The following CBLN2 variants were observed in gnomAD, a reference collection of about 807,000 sequenced individuals.
CBLN2 encodes cerebellin 2 precursor.
Under a neutral mutation model 15.0 loss-of-function variants are expected in CBLN2, and 7 were observed. The observed-to-expected ratio is 0.47, with a 90% CI of 0.27 to 0.88. The LOEUF (loss-of-function observed/expected upper bound fraction) is 0.88, where lower values mean the gene tolerates loss of function less well. Among genes scored for constraint, CBLN2 ranks in the 40% least tolerant of loss-of-function variants. CBLN2 has a pLI of 0.14. For missense variants in CBLN2, 242 were observed against 304.5 expected, an observed-to-expected ratio of 0.79 and a Z score of 1.53; for synonymous variants, 149 against 135.2, an observed-to-expected ratio of 1.10 and a Z score of -0.71.
intron 1 of CBLN2, chr18:72,625,021 A>T (rs2069725889): frequency 1.3e-5 from 2 of 152,210 alleles, no homozygotes; most frequent in East Asian, 1.9e-4. Context: ...CAACTTTAGA[A>T]TTATTACAAG....
chr18:72,554,560 A>G (rs1259139096), intron 1 of CBLN2, among the ~76,000 whole-genome samples: 2 of 151,646 alleles, frequency 1.3e-5, no homozygotes, highest in Non-Finnish European at 2.9e-5. Flanking sequence ...ACACCATATT[A>G]TATCCTATAT....
rs1022615906 is a variant in CBLN2, at chr18:72,543,041, C to G, written c.-167+445G>C. The stretch of plus-strand genomic sequence containing the variant: ...TGGGTGAAACCCCTGGGATTCCTCT[C>G]TTAGGCGAAGGACCGATTCCAACGA... On this transcript the variant is annotated intron_variant, in intron 2 of 4. Coordinates refer to ENST00000269503, the MANE Select transcript of CBLN2 (RefSeq NM_182511.4). The surrounding 1 kb of genome is among the most constrained non-coding windows in gnomAD (Gnocchi z 6.8). The G allele has an allele frequency of 6.4e-6, 1 of 157,088 alleles. No individual in the cohort carries two copies. Among genetic ancestry groups the G allele is most frequent in the African/African-American group, 2.4e-5 (1 of 41,678 alleles). The allele number at this position is 157,088 out of a possible 1,614,324, so 9.7% of individuals were successfully genotyped here.
At chr18:72,592,055 C>A (rs1293873843) in intron 1 of CBLN2, among the ~76,000 whole-genome samples, 4 of 152,040 alleles carry the variant, frequency 2.6e-5, no homozygotes, top group African/African-American at 9.7e-5. Context: ...TGAAGAGGCT[C>A]TTTACTGTTC....
chr18:72,598,538 C>T (rs2069527486), intron 1 of CBLN2, among the ~76,000 whole-genome samples: 1 of 152,182 alleles, frequency 6.6e-6, no homozygotes, highest in Admixed American at 6.5e-5. Flanking sequence ...GCAAGCACTC[C>T]CTTTTCTTGG....
At chr18:72,555,458 G>A (rs916787539) in intron 1 of CBLN2, among the ~76,000 whole-genome samples, 1 of 152,046 alleles carries the variant, frequency 6.6e-6, no homozygotes, top group Non-Finnish European at 1.5e-5. Context: ...GTGTGTGTGT[G>A]TGTGTGTCAG....
chr18:72,607,497 T>G (rs561726380), intron 1 of CBLN2, among the ~76,000 whole-genome samples: 2 of 152,348 alleles, frequency 1.3e-5, no homozygotes, highest in African/African-American at 4.8e-5. Context: ...TTCAAGCTGT[T>G]AAACACAAAG....
chr18:72,570,417 T>G (rs961681230), intron 1 of CBLN2, among the ~76,000 whole-genome samples: 2 of 151,462 alleles, frequency 1.3e-5, no homozygotes, highest in African/African-American at 4.9e-5. Flanking sequence ...TTTGTATTTT[T>G]TTTTTTTTTT....
At chr18:72,572,542 A>G (rs1430899680) in intron 1 of CBLN2, among the ~76,000 whole-genome samples, 1 of 152,184 alleles carries the variant, frequency 6.6e-6, no homozygotes, top group Non-Finnish European at 1.5e-5. Context: ...AAATTTGTCC[A>G]TGGCAGTAAT....
At chr18:72,625,787 ACTCTCT>A (rs374437409) in intron 1 of CBLN2, among the ~76,000 whole-genome samples, 1,802 of 79,318 alleles carry the variant, frequency 0.023, 56 homozygotes, top group African/African-American at 0.067. Flanking sequence ...TATATATATG[ACTCTCT>A]CTCTCTCTCT....
intron 3 of CBLN2, among the ~76,000 whole-genome samples, chr18:72,540,556 A>AC (rs1211717010): frequency 2.0e-5 from 3 of 152,376 alleles, no homozygotes; most frequent in Middle Eastern, 3.4e-3. Flanking sequence ...AGGAAACCTT[A>AC]CTAATAGAGT....
chr18:72,598,213 T>C (rs920468936), intron 1 of CBLN2, among the ~76,000 whole-genome samples: 4 of 152,150 alleles, frequency 2.6e-5, no homozygotes, highest in African/African-American at 9.7e-5. Context: ...TACTCCCTGG[T>C]TCTCACTGAT....
chr18:72,546,291 G>C (rs1267510061), upstream of CBLN2, among the ~76,000 whole-genome samples: 1 of 152,046 alleles, frequency 6.6e-6, no homozygotes, highest in Non-Finnish European at 1.5e-5. Flanking sequence ...CAAAAAATTA[G>C]CCGGGCGTGG....
chr18:72,603,730 T>A (rs1197533375), intron 1 of CBLN2, among the ~76,000 whole-genome samples: 1 of 152,216 alleles, frequency 6.6e-6, no homozygotes, highest in Non-Finnish European at 1.5e-5. Context: ...TAATCCCAAA[T>A]GCTCTATCCA....
chr18:72,602,727 C>T (rs1051413361), intron 1 of CBLN2, among the ~76,000 whole-genome samples: 10 of 152,100 alleles, frequency 6.6e-5, no homozygotes, highest in Non-Finnish European at 1.3e-4. Flanking sequence ...GATTTGCCAC[C>T]GAAGAAAAAA....
intron 1 of CBLN2, among the ~76,000 whole-genome samples, chr18:72,635,989 G>A (rs2069809790): frequency 6.6e-6 from 1 of 152,056 alleles, no homozygotes; most frequent in African/African-American, 2.4e-5. Context: ...AATTTACCCT[G>A]AATCAAATAT....
chr18:72,619,323 G>A, intron 1 of CBLN2: 1 of 561,116 alleles, frequency 1.8e-6, no homozygotes, highest in South Asian at 1.5e-5. Flanking sequence ...AAGCACAGTG[G>A]TGGCAGGGCC....
intron 1 of CBLN2, among the ~76,000 whole-genome samples, chr18:72,595,667 C>A (rs551574705): frequency 2.0e-5 from 3 of 152,190 alleles, no homozygotes; most frequent in Non-Finnish European, 4.4e-5. Context: ...CTCTCTTTAG[C>A]ACAAATATTA....
At chr18:72,578,511 C>A (rs532141331) in intron 1 of CBLN2, among the ~76,000 whole-genome samples, 1 of 152,164 alleles carries the variant, frequency 6.6e-6, no homozygotes, top group Non-Finnish European at 1.5e-5. Context: ...TGGTGAAGAT[C>A]ATCATTTCTA....
chr18:72,541,565 T>A (rs1381195171), intron 3 of CBLN2, among the ~76,000 whole-genome samples: 1 of 152,232 alleles, frequency 6.6e-6, no homozygotes, highest in Non-Finnish European at 1.5e-5. Flanking sequence ...CTTAAGGGAC[T>A]CTCAGTCATC....
Sources: allele counts gnomAD v4.1 joint callset (sites outside exome capture counted in the v4.1 genomes callset), GRCh38; gene constraint gnomAD v4.1.1; non-coding constraint Gnocchi (gnomAD v3.1); transcripts MANE v1.5; gene names NCBI Gene and HGNC (gene_info 2026-07-23, HGNC 2026-07-21).